GRIK4: variants seen among roughly 807,000 people sequenced by gnomAD.
GRIK4 encodes the protein glutamate receptor ionotropic, kainate 4.
GRIK4 carries 40 observed loss-of-function variants against 104.9 expected under a neutral mutation model. The observed-to-expected ratio is 0.38, with a 90% confidence interval of 0.30 to 0.50. The LOEUF (loss-of-function observed/expected upper bound fraction) is 0.50. Among genes scored for constraint, GRIK4 ranks in the 20% least tolerant of loss-of-function variants. GRIK4 has a pLI of 0.93. For missense variants in GRIK4, 1,047 were observed against 1,308.1 expected, an observed-to-expected ratio of 0.80 and a Z score of 3.08; for synonymous variants, 485 against 524.9, an observed-to-expected ratio of 0.92 and a Z score of 1.04.
intron 3 of GRIK4, among the ~76,000 whole-genome samples, chr11:120,698,101 T>C (rs1354738997): frequency 6.6e-6 from 1 of 152,248 alleles, no homozygotes; most frequent in South Asian, 2.1e-4. Flanking sequence ...CTCAACCCTG[T>C]CCATTTTACA....
intron 13 of GRIK4, among the ~76,000 whole-genome samples, chr11:120,926,437 G>GAAACATA (rs1395929741): frequency 6.6e-6 from 1 of 152,160 alleles, no homozygotes; most frequent in South Asian, 2.1e-4. Context: ...AGTGCTTTTT[G>GAAACATA]TGTATTCATT....
At chr11:120,934,372 G>A (rs951910098) in intron 13 of GRIK4, among the ~76,000 whole-genome samples, 13 of 152,072 alleles carry the variant, frequency 8.5e-5, no homozygotes, top group African/African-American at 2.2e-4. Context: ...TGGTATTGCC[G>A]TTAGACCACT....
intron 3 of GRIK4, among the ~76,000 whole-genome samples, chr11:120,787,852 CTTTTT>C (rs58523604): frequency 2.6e-5 from 2 of 77,110 alleles, no homozygotes; most frequent in South Asian, 4.9e-4. Context: ...CTTTTCTTTT[CTTTTT>C]TTTTTTTTTT....
At chr11:120,891,604 T>C (rs1344652032) in intron 11 of GRIK4, among the ~76,000 whole-genome samples, 2 of 152,218 alleles carry the variant, frequency 1.3e-5, no homozygotes, top group Admixed American at 1.3e-4. Context: ...CTCGATTTTA[T>C]TGAGCATCTG....
intron 6 of GRIK4, among the ~76,000 whole-genome samples, chr11:120,824,998 C>T (rs1252099691): frequency 6.6e-6 from 1 of 152,134 alleles, no homozygotes; most frequent in Non-Finnish European, 1.5e-5. Flanking sequence ...GATCTCTGCT[C>T]ACTGCAACCT....
chr11:120,927,449 C>T (rs1565443915), intron 13 of GRIK4, among the ~76,000 whole-genome samples: 1 of 151,708 alleles, frequency 6.6e-6, no homozygotes, highest in Non-Finnish European at 1.5e-5. Flanking sequence ...TGCCTGTAGT[C>T]CCAGGTACTC....
rs529720559 is a variant in GRIK4, at chr11:120,959,321, G to C, written c.1875-1588G>C. 9.5e-4 allele frequency among the ~76,000 whole-genome samples: 144 copies of C among 152,308 alleles called. 1 individual carries two copies. Among genetic ancestry groups the C allele is most frequent in the Middle Eastern group, 3.4e-3 (1 of 294 alleles). On this transcript the variant is annotated intron_variant, in intron 16 of 20. Coordinates refer to ENST00000527524, the MANE Select transcript of GRIK4 (RefSeq NM_014619.5). ...ATGTAGACATGCCCACTGAGTCAGAGGATGCCCCTGTTGCTTCACTCCTGG... is the reference window on the plus strand; with the variant it reads ...ATGTAGACATGCCCACTGAGTCAGACGATGCCCCTGTTGCTTCACTCCTGG...
At chr11:120,742,134 C>T (rs1951343274) in intron 3 of GRIK4, among the ~76,000 whole-genome samples, 1 of 151,976 alleles carries the variant, frequency 6.6e-6, no homozygotes, top group Non-Finnish European at 1.5e-5. Flanking sequence ...TCACCTGAGG[C>T]CAGGAGTTCA....
At chr11:120,533,206 A>C (rs1300187402) in intron 1 of GRIK4, among the ~76,000 whole-genome samples, 1 of 152,216 alleles carries the variant, frequency 6.6e-6, no homozygotes, top group African/African-American at 2.4e-5. Context: ...GCCTCCTAGC[A>C]GAGGGAAAAG....
chr11:120,685,245 A>G (rs753056125), intron 3 of GRIK4, among the ~76,000 whole-genome samples: 5 of 152,198 alleles, frequency 3.3e-5, no homozygotes, highest in Non-Finnish European at 7.3e-5. Context: ...TGACCCTCAG[A>G]CCAGCAGCAT....
At chr11:120,541,300 C>T (rs1007693145) in intron 1 of GRIK4, among the ~76,000 whole-genome samples, 1 of 152,238 alleles carries the variant, frequency 6.6e-6, no homozygotes, top group African/African-American at 2.4e-5. Context: ...TATATTGGAG[C>T]ACTTATCACG....
chr11:120,807,689 C>G (rs193247619), intron 4 of GRIK4, among the ~76,000 whole-genome samples: 20 of 152,272 alleles, frequency 1.3e-4, no homozygotes, highest in African/African-American at 4.8e-4. Flanking sequence ...AAGAGAAAGG[C>G]ATACAAATAG....
intron 15 of GRIK4, among the ~76,000 whole-genome samples, chr11:120,954,533 C>T (rs567274912): frequency 2.4e-4 from 36 of 152,218 alleles, no homozygotes; most frequent in African/African-American, 8.2e-4. Flanking sequence ...TGAGCCCTTG[C>T]GTGTGGCATG....
At chr11:120,897,369 T>A (rs1942608493) in intron 11 of GRIK4, among the ~76,000 whole-genome samples, 1 of 151,344 alleles carries the variant, frequency 6.6e-6, no homozygotes, top group Non-Finnish European at 1.5e-5. Context: ...GCGCGGTGGC[T>A]CATGCCTGTA....
intron 1 of GRIK4, among the ~76,000 whole-genome samples, chr11:120,637,999 C>A (rs902880305): frequency 2.0e-5 from 3 of 152,086 alleles, no homozygotes; most frequent in African/African-American, 7.2e-5. Context: ...CCTGTCTCAG[C>A]CTCCTGAGTG....
chr11:120,830,217 A>G (rs1052328385), intron 6 of GRIK4, among the ~76,000 whole-genome samples: 10 of 150,734 alleles, frequency 6.6e-5, no homozygotes, highest in Non-Finnish European at 1.3e-4. Flanking sequence ...CAGACACACA[A>G]CCAGCATCAG....
intron 9 of GRIK4, chr11:120,868,152 T>C (rs544616607): frequency 6.6e-6 from 1 of 152,276 alleles, no homozygotes; most frequent in Non-Finnish European, 1.5e-5. Context: ...GATATTCTTA[T>C]TTTCATGTCA....
intron 8 of GRIK4, among the ~76,000 whole-genome samples, chr11:120,844,636 C>G (rs143071818): frequency 7.9e-5 from 12 of 152,304 alleles, no homozygotes; most frequent in African/African-American, 2.6e-4. Context: ...AACCTATCTG[C>G]GTTTCAGCTG....
chr11:120,735,500 C>G (rs1320985292), intron 3 of GRIK4, among the ~76,000 whole-genome samples: 1 of 152,178 alleles, frequency 6.6e-6, no homozygotes, highest in Non-Finnish European at 1.5e-5. Flanking sequence ...GAAGCCAACA[C>G]AGCACTGGGT....
Sources: allele counts gnomAD v4.1 joint callset (sites outside exome capture counted in the v4.1 genomes callset), GRCh38; gene constraint gnomAD v4.1.1; transcripts MANE v1.5; gene names NCBI Gene and HGNC (gene_info 2026-07-23, HGNC 2026-07-21).